The following LRP2 variants were observed in gnomAD, a reference collection of about 807,000 sequenced individuals.
The protein encoded by LRP2 is LDL receptor related protein 2, also known as low-density lipoprotein receptor-related protein 2.
LRP2 carries 172 observed loss-of-function variants against 531.0 expected under a neutral mutation model. The ratio of observed to expected loss-of-function variants is 0.32; its 90% confidence interval spans 0.29 to 0.37. The LOEUF is 0.37. LRP2 is among the 10% of genes least tolerant of loss of function. The pLI is 1.00. For missense variants in LRP2, 5,167 were observed against 5,868.3 expected (o/e 0.88, Z 3.90); for synonymous variants, 1,992 against 2,027.6 (o/e 0.98, Z 0.47).
rs749978338 is a variant in LRP2, at chr2:169,238,276, C to G, written c.4321G>C (p.Ala1441Pro). Residue 1441 changes from alanine (A) to proline (P), a missense_variant, in exon 27 of 79, where the codon GCA (alanine) becomes CCA (proline). By Grantham distance (27) the Ala-to-Pro change is conservative. Around this residue, in one of 6 missense-constraint regions of LRP2, gnomAD observed 2,811 missense variants for 3,058.0 expected, o/e 0.92. Transcript: ENST00000649046. ...TASESLLLLV[A>P]SQNKIIADSV... Reference sequence around the variant, plus strand: ...TCGGCAATAATTTTGTTCTGACTTGCCACAAGTAACAGCAGACTCTCAGAT... The same window carrying G: ...TCGGCAATAATTTTGTTCTGACTTGGCACAAGTAACAGCAGACTCTCAGAT... 1.9e-6 allele frequency: 3 copies of G among 1,613,890 alleles called. No homozygotes were observed. Among genetic ancestry groups the G allele is most frequent in the Non-Finnish European group, 2.5e-6 (3 of 1,179,882 alleles).
At chr2:169,279,192 T>C (rs1683634427) in intron 12 of LRP2, among the ~76,000 whole-genome samples, 180 bp downstream of exon 12, 1 of 152,242 alleles carries the variant, frequency 6.6e-6, no homozygotes, top group Admixed American at 6.5e-5. Flanking sequence ...AATAGGATTA[T>C]ATTTAATAAA....
chr2:169,173,940 C>A lies in LRP2; in HGVS notation c.10993G>T (p.Asp3665Tyr). Residue 3665 changes from aspartate (D) to tyrosine (Y), a missense_variant, in exon 56 of 79, where the codon GAT becomes TAT. By Grantham distance (160) the Asp-to-Tyr change is radical. Coordinates refer to ENST00000649046, the MANE Select transcript of LRP2 (RefSeq NM_004525.3). Reference protein sequence around the residue: ...DVDNDCGDHSDEPIEECMSSA... With the variant: ...DVDNDCGDHSYEPIEECMSSA... ...TTACTGCATTCTTCAATGGGCTCAT[C>A]CGAGTGGTCTCCACAATCATTATCC... is the stretch of plus-strand genomic sequence containing the variant. The A allele has an allele frequency of 3.1e-6, 5 of 1,614,184 alleles. No homozygotes were observed. The highest frequency in any genetic ancestry group is 4.2e-6 in the Non-Finnish European group (5 of 1,180,036).
intron 16 of LRP2, among the ~76,000 whole-genome samples, chr2:169,268,442 G>A (rs1249656771): frequency 1.3e-5 from 2 of 152,190 alleles, no homozygotes; most frequent in Non-Finnish European, 2.9e-5. Flanking sequence ...GTGATGCAAT[G>A]CTGGTTCAGC....
intron 22 of LRP2, among the ~76,000 whole-genome samples, chr2:169,244,290 TA>T (rs1447612171): frequency 6.6e-6 from 1 of 152,244 alleles, no homozygotes; most frequent in Non-Finnish European, 1.5e-5. Flanking sequence ...TGTGCCTCTT[TA>T]TTTTGATGTC....
chr2:169,352,875 G>T (rs1261552968), intron 1 of LRP2, among the ~76,000 whole-genome samples: 3 of 151,812 alleles, frequency 2.0e-5, no homozygotes, highest in East Asian at 3.9e-4. Flanking sequence ...CCTGTCAGGG[G>T]GTGGGGGCCA....
At chr2:169,210,825 G>A (rs1428975859) in intron 37 of LRP2, among the ~76,000 whole-genome samples, 3 of 152,190 alleles carry the variant, frequency 2.0e-5, no homozygotes, top group African/African-American at 7.2e-5. Context: ...TAGGGGTAAA[G>A]TGGCATGGTA....
chr2:169,226,297 G>A (rs1452484549), intron 32 of LRP2, 125 bp downstream of exon 32: 1 of 774,652 alleles, frequency 1.3e-6, no homozygotes, highest in African/African-American at 1.7e-5. Flanking sequence ...AAAACTTAGG[G>A]ATAAATTTAT....
rs573062126 is a variant in LRP2 at position 169,151,314 on chromosome 2, A to G, written c.12462-288T>C. ...ACTCAATTCCAAAGACTAAACAGGA[A>G]AGTCAAATTTCCAATCTGTTTTAAC... On this transcript the variant is annotated intron_variant, in intron 67 of 78. Coordinates refer to ENST00000649046, the MANE Select transcript of LRP2 (RefSeq NM_004525.3). Among the ~76,000 whole-genome samples, 4 of 152,258 alleles carry G rather than the reference A, an allele frequency of 2.6e-5. No homozygotes were observed. The East Asian group carries it at 7.7e-4, about 29-fold the overall frequency.
In LRP2 at chr2:169,201,831, T is replaced by C. The variant is rs780589283; in HGVS notation, c.8249A>G (p.Asn2750Ser). 8 of 1,614,040 alleles carry C rather than the reference T, an allele frequency of 5.0e-6. No homozygotes were observed. Among genetic ancestry groups the C allele is most frequent in the African/African-American group, 4.0e-5 (3 of 74,922 alleles). Residue 2750 changes from asparagine to serine, a missense_variant, in exon 44 of 79, where the codon AAT (asparagine) becomes AGT (serine). By Grantham distance (46) the Asn-to-Ser change is conservative. Transcript: ENST00000649046. Reference sequence around the variant, plus strand: ...GTAAGAGTATTGGACACATCGCCCATTGGCACAGGTGAAGGCTGTCGGTGA... The same window carrying C: ...GTAAGAGTATTGGACACATCGCCCACTGGCACAGGTGAAGGCTGTCGGTGA... ...TCSPTAFTCA[N>S]GRCVQYSYRC...
intron 62 of LRP2, among the ~76,000 whole-genome samples, chr2:169,163,477 G>T (rs759289367): frequency 6.6e-6 from 1 of 152,176 alleles, no homozygotes; most frequent in Non-Finnish European, 1.5e-5. Flanking sequence ...TGGATAAAAT[G>T]ACTGCCCATC....
At chr2:169,248,837 C>G (rs1410304102) in intron 19 of LRP2, among the ~76,000 whole-genome samples, 1 of 126,422 alleles carries the variant, frequency 7.9e-6, no homozygotes, top group African/African-American at 3.3e-5. Context: ...CGCAAGGGGT[C>G]AGGGAGTTCC....
intron 55 of LRP2, 80 bp from the exon 56 acceptor site, chr2:169,174,244 T>G: frequency 6.5e-7 from 1 of 1,547,284 alleles, no homozygotes; most frequent in Non-Finnish European, 8.9e-7. Context: ...GAATCCTGGA[T>G]AGCAGGATCA....
At chr2:169,263,018 G>A (rs1424026906) in intron 16 of LRP2, among the ~76,000 whole-genome samples, 1 of 152,106 alleles carries the variant, frequency 6.6e-6, no homozygotes, top group Admixed American at 6.6e-5. Context: ...TTAATAAATG[G>A]TGCTGGGAAA....
At chr2:169,177,510 T>C (rs1687240827) in intron 53 of LRP2, among the ~76,000 whole-genome samples, 2 of 151,292 alleles carry the variant, frequency 1.3e-5, no homozygotes, top group Non-Finnish European at 2.9e-5. Flanking sequence ...ATGAAGTAAA[T>C]ATGGCAACAT....
intron 16 of LRP2, among the ~76,000 whole-genome samples, chr2:169,262,205 C>G (rs1260825309): frequency 1.4e-5 from 2 of 147,646 alleles, no homozygotes; most frequent in Non-Finnish European, 3.0e-5. Flanking sequence ...TGCCCTCTCT[C>G]ACCACTCCTA....
chr2:169,318,884 G>A lies in LRP2; in HGVS notation c.188C>T (p.Ala63Val), dbSNP rs150829296. Reference protein sequence around the residue: ...CSDDADEIGCAVVTCQQGYFK... With the variant: ...CSDDADEIGCVVVTCQQGYFK... Reference sequence around the variant, plus strand: ...ATAGCCCTGCTGGCAGGTCACAACAGCTAAAACAAACCAAAAGAGGACTCA... The same window carrying A: ...ATAGCCCTGCTGGCAGGTCACAACAACTAAAACAAACCAAAAGAGGACTCA... Residue 63 changes from alanine (A) to valine (V), a missense_variant and splice_region_variant, in exon 3 of 79, where the codon GCT becomes GTT. Ala to Val is a moderately conservative substitution (Grantham distance 64). Around this residue, in one of 6 missense-constraint regions of LRP2, gnomAD observed 2,811 missense variants for 3,058.0 expected, o/e 0.92. Coordinates refer to ENST00000649046, the MANE Select transcript of LRP2 (RefSeq NM_004525.3). The A allele has an allele frequency of 3.5e-5, 56 of 1,613,918 alleles. No homozygotes were observed. The African/African-American group carries it at 7.1e-4, about 20-fold the overall frequency.
rs1390807700 is a variant in LRP2, at chr2:169,127,437, G to T, written c.*1226C>A. 6.8e-6 allele frequency: 1 copy of T among 146,364 alleles called. No homozygotes were observed. The highest frequency in any genetic ancestry group is 1.5e-5 in the Non-Finnish European group (1 of 67,410). The allele number at this position is 146,364 out of a possible 1,614,324, so 9.1% of individuals were successfully genotyped here. A position where few individuals can be genotyped will look rare whatever the true frequency, so the allele number is the denominator to read the frequency against. ...CTGGAAGCCAGGCACAGTGGCTCAC[G>T]CCCGTAACCCCAACCACTCAGGAGG... On this transcript the variant is annotated 3_prime_UTR_variant, in exon 79 of 79. Transcript: ENST00000649046.
chr2:169,290,979 ACAT>A lies in LRP2; in HGVS notation c.785_787del (p.Asp262del), dbSNP rs1473487031. 6.2e-7 allele frequency: 1 copy of A among 1,614,154 alleles called. No individual in the cohort carries two copies. The highest frequency in any genetic ancestry group is 1.1e-5 in the South Asian group (1 of 91,084). On this transcript the variant is annotated inframe_deletion, in exon 8 of 79. Coordinates refer to ENST00000649046, the MANE Select transcript of LRP2 (RefSeq NM_004525.3). ...CCATTCTCTTGGGGAACATTTATGA[ACAT>A]CATGAGGACCGCTTTCTGTGGGGGG...
At chr2:169,353,907 C>T (rs529128885) in intron 1 of LRP2, among the ~76,000 whole-genome samples, 3 of 152,284 alleles carry the variant, frequency 2.0e-5, no homozygotes, top group East Asian at 1.9e-4. Context: ...GAGAGGATCT[C>T]TTCAGCCTGG....
Sources: gnomAD v4.1 joint callset for allele counts (sites outside exome capture counted in the v4.1 genomes callset) on GRCh38, gnomAD v4.1.1 for gene constraint, gnomAD v4.1.1 regional missense constraint, MANE v1.5 for transcripts, NCBI Gene and HGNC (gene_info 2026-07-23, HGNC 2026-07-21) for gene names.